The following ALDOA variants were observed in gnomAD, a reference collection of about 807,000 sequenced individuals.
ALDOA encodes aldolase, fructose-bisphosphate A.
In ALDOA, 26 loss-of-function variants were observed where a neutral mutation model predicts 43.9. The observed-to-expected ratio is 0.59, with a 90% CI of 0.43 to 0.82. The LOEUF is 0.82. ALDOA is among the 40% of genes least tolerant of loss of function. ALDOA has a pLI of 0.00. For missense variants in ALDOA, 498 were observed against 549.5 expected (o/e 0.91, Z 0.94); for synonymous variants, 258 against 222.6 (o/e 1.16, Z -1.42).
rs199852002 is a variant in ALDOA, at chr16:30,067,497, G to A, written c.322G>A (p.Glu108Lys). ...GTCCATTGGCACCGAGAACACCGAGGAGAACCGGCGCTTCTACCGCCAGCT... is the reference window on the plus strand; with the variant it reads ...GTCCATTGGCACCGAGAACACCGAGAAGAACCGGCGCTTCTACCGCCAGCT... ...LQSIGTENTE[E>K]NRRFYRQLLL... The change falls in exon 4 of 10, where the codon GAG (glutamate) becomes AAG (lysine). Residue 108 changes from glutamate (E) to lysine (K), a missense_variant. By Grantham distance (56) the Glu-to-Lys change is moderately conservative (BLOSUM62 1). Coordinates refer to ENST00000642816, the MANE Select transcript of ALDOA (RefSeq NM_001243177.4). 2.6e-5 allele frequency: 42 copies of A among 1,613,712 alleles called. No homozygotes were observed. The highest frequency in any genetic ancestry group is 3.4e-5 in the Non-Finnish European group (40 of 1,180,030).
chr16:30,069,803 C>A (rs760307214), intron 8 of ALDOA, 27 bp from the exon 9 acceptor site: 6 of 1,613,822 alleles, frequency 3.7e-6, no homozygotes, highest in African/African-American at 1.3e-5. Context: ...TGACCACAGC[C>A]CCTCTCGCCT....
chr16:30,068,361 G>T, intron 4 of ALDOA: 1 of 432,096 alleles, frequency 2.3e-6, no homozygotes, highest in Non-Finnish European at 4.4e-6. Flanking sequence ...ACCATGCCCG[G>T]CTTAAGTAAC....
rs779421883 is a variant in ALDOA, at chr16:30,069,649, C to T, written c.937C>T (p.Arg313Cys). The T allele has an allele frequency of 1.8e-5, 29 of 1,613,592 alleles. No individual in the cohort carries two copies. The highest frequency in any genetic ancestry group is 2.2e-5 in the East Asian group (1 of 44,892). The change falls in exon 8 of 10, where the codon CGC becomes TGC. Residue 313 changes from arginine (R) to cysteine (C), a missense_variant. Physicochemically the swap from Arg to Cys is radical, Grantham distance 180. Transcript: ENST00000642816. ...IAMATVTALRRTVPPAVTGIT... is the reference protein window; with the variant it reads ...IAMATVTALRCTVPPAVTGIT... ...CATGGCGACCGTCACAGCGCTGCGC[C>T]GCACAGTGCCCCCCGCTGTCACTGG...
upstream of ALDOA, chr16:30,064,717 C>T (rs564460560): frequency 5.0e-4 from 183 of 368,790 alleles, 2 homozygotes; most frequent in Non-Finnish European, 7.6e-4. Context: ...TGCCTTATAA[C>T]CAGCCCGGGA....
chr16:30,068,019 T>G (rs957274177), intron 4 of ALDOA: 22 of 301,420 alleles, frequency 7.3e-5, no homozygotes, highest in Non-Finnish European at 1.2e-4. Context: ...ATATTTTAAT[T>G]TAATTGTAAC....
Position 30,069,532 on chromosome 16 carries a change from C to T in ALDOA, c.820C>T (p.His274Tyr). Residue 274 changes from histidine (H) to tyrosine (Y), a missense_variant, in exon 8 of 10, where the codon CAC (histidine) becomes TAC (tyrosine). Coordinates refer to ENST00000642816, the MANE Select transcript of ALDOA (RefSeq NM_001243177.4). The stretch of plus-strand genomic sequence containing the variant: ...TGCTGTCTACAAGGCTCTGAGTGAC[C>T]ACCACATCTACCTGGAAGGCACCTT... The part of the protein sequence containing the change: ...LAAVYKALSD[H>Y]HIYLEGTLLK... 8.1e-6 allele frequency: 13 copies of T among 1,614,102 alleles called. No individual in the cohort carries two copies. The highest frequency in any genetic ancestry group is 1.1e-5 in the Non-Finnish European group (13 of 1,180,020).
chr16:30,069,676 G>T lies in ALDOA; in HGVS notation c.961+3G>T. The stretch of plus-strand genomic sequence containing the variant: ...CACAGTGCCCCCCGCTGTCACTGGT[G>T]AGGCCCACACTCATCTTGATCTCTA... On this transcript the variant is annotated splice_donor_region_variant and intron_variant, in intron 8 of 9. Coordinates refer to ENST00000642816, the MANE Select transcript of ALDOA (RefSeq NM_001243177.4). 1 of 1,613,424 alleles carries T rather than the reference G, an allele frequency of 6.2e-7. No individual in the cohort carries two copies. Among genetic ancestry groups the T allele is most frequent in the South Asian group, 1.1e-5 (1 of 91,076 alleles).
Position 30,066,882 on chromosome 16 carries a change from C to G in ALDOA, c.-13-3C>G, listed in dbSNP as rs2072125921. Reference sequence around the variant, plus strand: ...AAATACTCCGGTTCGGTTTTGTTTTCAGGCAAGGTGACCCCATGGCAAGGC... The same window carrying G: ...AAATACTCCGGTTCGGTTTTGTTTTGAGGCAAGGTGACCCCATGGCAAGGC... On this transcript the variant is annotated splice_polypyrimidine_tract_variant and splice_region_variant and intron_variant, in intron 1 of 9. Coordinates refer to ENST00000642816, the MANE Select transcript of ALDOA (RefSeq NM_001243177.4). The G allele has an allele frequency of 1.3e-6, 2 of 1,547,334 alleles. No homozygotes were observed. Among genetic ancestry groups the G allele is most frequent in the African/African-American group, 2.7e-5 (2 of 73,038 alleles).
chr16:30,068,218 C>G (rs1171516244), intron 4 of ALDOA: 1 of 322,146 alleles, frequency 3.1e-6, no homozygotes, highest in Admixed American at 4.4e-5. Context: ...GCGCCCGCCA[C>G]CACCCGGCTA....
At chr16:30,066,581 A>G (rs576186402) in intron 1 of ALDOA, among the ~76,000 whole-genome samples, 1 of 152,080 alleles carries the variant, frequency 6.6e-6, no homozygotes, top group East Asian at 1.9e-4. Context: ...TTGCTCTCTT[A>G]TATTTTTCCT....
In ALDOA at chr16:30,066,973, C is replaced by G; in HGVS notation, c.76C>G (p.Pro26Ala). 6.4e-7 allele frequency: 1 copy of G among 1,554,590 alleles called. No homozygotes were observed. Among genetic ancestry groups the G allele is most frequent in the Non-Finnish European group, 8.7e-7 (1 of 1,149,522 alleles). ...LSMAMAFSFPPVASGQLHPQL... is the reference protein window; with the variant it reads ...LSMAMAFSFPAVASGQLHPQL... Reference sequence around the variant, plus strand: ...CATGGCTATGGCCTTTTCCTTTCCCCCAGTTGCCAGTGGGCAACTCCACCC... The same window carrying G: ...CATGGCTATGGCCTTTTCCTTTCCCGCAGTTGCCAGTGGGCAACTCCACCC... Residue 26 changes from proline (P) to alanine (A), a missense_variant, in exon 2 of 10, where the codon CCA becomes GCA. Transcript: ENST00000642816.
rs1209569388 is a variant in ALDOA at position 30,070,045 on chromosome 16, A to T, written c.1161+16A>T. 1.2e-6 allele frequency: 2 copies of T among 1,613,652 alleles called. No individual in the cohort carries two copies. Reference sequence around the variant, plus strand: ...GCGAGCCCTGGTAAGGATAGGCAGGAGGTGGGCAGGGTGCCTGGGTGGATG... The same window carrying T: ...GCGAGCCCTGGTAAGGATAGGCAGGTGGTGGGCAGGGTGCCTGGGTGGATG... On this transcript the variant is annotated intron_variant, in intron 9 of 9. Coordinates refer to ENST00000642816, the MANE Select transcript of ALDOA (RefSeq NM_001243177.4).
chr16:30,068,550 C>A (rs776720449), intron 4 of ALDOA, 96 bp from the exon 5 acceptor site: 19 of 1,398,992 alleles, frequency 1.4e-5, no homozygotes, highest in Non-Finnish European at 1.4e-5. Context: ...CTTCAGTGAG[C>A]TGAGATTCCA....
At chr16:30,068,584 C>G (rs3134624) in intron 4 of ALDOA, 62 bp from the exon 5 acceptor site, 2 of 1,575,884 alleles carry the variant, frequency 1.3e-6, no homozygotes, top group Middle Eastern at 1.7e-4. Flanking sequence ...GCCGGGGCGA[C>G]AGTGGAAAGG....
Position 30,068,989 on chromosome 16 carries a change from A to G in ALDOA, c.702+11A>G, listed in dbSNP as rs1192154441. ...AGTATCTGCCAGCAGGTGGGCCTGC[A>G]GGTCCTCAATAGGCAACCTCCTACC... On this transcript the variant is annotated intron_variant, in intron 6 of 9. Transcript: ENST00000642816. 3.1e-6 allele frequency: 5 copies of G among 1,614,090 alleles called. No individual in the cohort carries two copies. The highest frequency in any genetic ancestry group is 2.7e-5 in the African/African-American group (2 of 74,942).
intron 4 of ALDOA, 140 bp from the exon 5 acceptor site, chr16:30,068,506 G>A: frequency 1.1e-6 from 1 of 938,516 alleles, no homozygotes; most frequent in Non-Finnish European, 1.7e-6. Flanking sequence ...AGGAGGCTGA[G>A]GCGGGAGGAT....
chr16:30,066,559 C>G (rs953985716), intron 1 of ALDOA, among the ~76,000 whole-genome samples: 1 of 152,356 alleles, frequency 6.6e-6, no homozygotes, highest in Admixed American at 6.5e-5. Flanking sequence ...CCGCCCTTTC[C>G]TGGGCTTCTC....
At position 30,066,993 on chromosome 16, in the gene ALDOA, C is replaced by T; in HGVS notation, c.96C>T (p.Leu32=). 1 of 1,562,068 alleles carries T rather than the reference C, an allele frequency of 6.4e-7. No homozygotes were observed. Among genetic ancestry groups the T allele is most frequent in the South Asian group, 1.2e-5 (1 of 84,714 alleles). Residue 32 remains leucine (L), a synonymous_variant, in exon 2 of 10, where the codon CTC becomes CTT. Transcript: ENST00000642816. ...FSFPPVASGQ[L]HPQLGNTQHQ... is the part of the protein sequence containing the mutation. ...TTCCCCCAGTTGCCAGTGGGCAACT[C>T]CACCCTCAGCTGGGCAACACCCAGC...
In ALDOA at chr16:30,068,653, A is replaced by G. The variant is rs1295320794; in HGVS notation, c.494A>G (p.Lys165Arg). 1 of 1,614,184 alleles carries G rather than the reference A, an allele frequency of 6.2e-7. No homozygotes were observed. Among genetic ancestry groups the G allele is most frequent in the Non-Finnish European group, 8.5e-7 (1 of 1,180,018 alleles). ...KGGVVGIKVD[K>R]GVVPLAGTNG... ...TTACCCTGACCCCAACAGGTAGACA[A>G]GGGCGTGGTCCCCCTGGCAGGGACA... is the stretch of plus-strand genomic sequence containing the variant. Residue 165 changes from lysine (K) to arginine (R), a missense_variant, in exon 5 of 10, where the codon AAG (lysine) becomes AGG (arginine). Lys to Arg is a conservative substitution (Grantham distance 26). Coordinates refer to ENST00000642816, the MANE Select transcript of ALDOA (RefSeq NM_001243177.4).
Sources: gnomAD v4.1 joint callset for allele counts (sites outside exome capture counted in the v4.1 genomes callset) on GRCh38, gnomAD v4.1.1 for gene constraint, MANE v1.5 for transcripts, NCBI Gene and HGNC (gene_info 2026-07-23, HGNC 2026-07-21) for gene names.